PTPRD: variants seen among roughly 807,000 people sequenced by gnomAD.
PTPRD encodes the protein receptor-type tyrosine-protein phosphatase delta.
PTPRD carries 34 observed loss-of-function variants against 214.5 expected under a neutral mutation model. That is an observed-to-expected ratio of 0.16 (90% CI 0.12 to 0.21). PTPRD has a LOEUF of 0.21. Among genes scored for constraint, PTPRD ranks in the 10% least tolerant of loss-of-function variants. PTPRD has a pLI of 1.00. For missense variants in PTPRD, 2,545 were observed against 2,398.7 expected, an observed-to-expected ratio of 1.06 and a Z score of -1.27; for synonymous variants, 1,128 against 845.7, an observed-to-expected ratio of 1.33 and a Z score of -5.79.
rs190899424 is a variant in PTPRD at position 10,092,775 on chromosome 9, C to A, written c.-544-58985G>T. ...CACACATACAGACCAACAGAACAGA[C>A]TAGAGAGCCCAGCAATAAAGTCACA... On this transcript the variant is annotated intron_variant, in intron 3 of 45. Transcript: ENST00000381196. 2.0e-5 allele frequency among the ~76,000 whole-genome samples: 3 copies of A among 151,320 alleles called. No individual in the cohort carries two copies. In the Admixed American group the frequency reaches 2.0e-4, roughly 10 times the overall value.
chr9:8,454,875 C>G (rs999281708), intron 33 of PTPRD, among the ~76,000 whole-genome samples: 4 of 150,950 alleles, frequency 2.6e-5, no homozygotes, highest in African/African-American at 9.8e-5. Flanking sequence ...TTATCCATCA[C>G]CTATAAAATA....
At chr9:8,988,208 G>C (rs2099353135) in intron 11 of PTPRD, among the ~76,000 whole-genome samples, 1 of 152,072 alleles carries the variant, frequency 6.6e-6, no homozygotes, top group South Asian at 2.1e-4. Context: ...ACTGAAGAAA[G>C]TGTGACTATT....
intron 9 of PTPRD, among the ~76,000 whole-genome samples, chr9:9,317,594 A>C (rs1963968186): frequency 6.6e-6 from 1 of 151,486 alleles, no homozygotes; most frequent in Non-Finnish European, 1.5e-5. Context: ...TGGTCTTCCT[A>C]CTCCCAGTCC....
chr9:9,569,493 A>T (rs1251531849), intron 8 of PTPRD, among the ~76,000 whole-genome samples: 1 of 151,862 alleles, frequency 6.6e-6, no homozygotes, highest in East Asian at 1.9e-4. Context: ...TTTTATTGCT[A>T]CCAGAATTAA....
intron 2 of PTPRD, among the ~76,000 whole-genome samples, chr9:10,393,443 A>T (rs894269251): frequency 6.6e-6 from 1 of 151,600 alleles, no homozygotes; most frequent in African/African-American, 2.4e-5. Context: ...TTGTTACATT[A>T]GTTTCCCTTT....
At chr9:9,087,454 A>G (rs2099768776) in intron 10 of PTPRD, among the ~76,000 whole-genome samples, 1 of 152,222 alleles carries the variant, frequency 6.6e-6, no homozygotes, top group Non-Finnish European at 1.5e-5. Flanking sequence ...GTACTCCTGC[A>G]TACTGAAGAG....
intron 5 of PTPRD, among the ~76,000 whole-genome samples, chr9:9,789,143 A>G (rs1382616418): frequency 6.6e-6 from 1 of 152,186 alleles, no homozygotes. Context: ...GTCTACTTTG[A>G]GTTGATATTT....
intron 5 of PTPRD, among the ~76,000 whole-genome samples, chr9:9,883,967 C>G (rs2069794464): frequency 6.6e-6 from 1 of 151,960 alleles, no homozygotes; most frequent in African/African-American, 2.4e-5. Context: ...ACATTTCTTC[C>G]TTTTTTTTAA....
At chr9:10,339,981 C>G (rs1053024135) in intron 3 of PTPRD, among the ~76,000 whole-genome samples, 16 of 151,754 alleles carry the variant, frequency 1.1e-4, no homozygotes, top group Non-Finnish European at 7.4e-5. Context: ...GCCATATTGA[C>G]AATATATCCC....
intron 12 of PTPRD, among the ~76,000 whole-genome samples, chr9:8,643,597 T>C (rs1352287740): frequency 6.6e-6 from 1 of 152,200 alleles, no homozygotes; most frequent in Non-Finnish European, 1.5e-5. Context: ...CCACCACCAC[T>C]GCTGCCTCTG....
intron 11 of PTPRD, among the ~76,000 whole-genome samples, chr9:8,944,846 G>A (rs1229139536): frequency 2.6e-5 from 4 of 151,950 alleles, no homozygotes; most frequent in Non-Finnish European, 5.9e-5. Context: ...ACACCAGAAT[G>A]ACTACAGTCA....
intron 3 of PTPRD, among the ~76,000 whole-genome samples, chr9:10,110,122 C>T (rs2098677184): frequency 6.6e-6 from 1 of 152,020 alleles, no homozygotes; most frequent in Admixed American, 6.6e-5. Flanking sequence ...GGCAGAACAC[C>T]CTGACACAAA....
intron 3 of PTPRD, among the ~76,000 whole-genome samples, chr9:10,230,436 G>GTATC (rs59835845): frequency 0.27 from 38,021 of 140,264 alleles, 5,334 homozygotes; most frequent in Admixed American, 0.36. Context: ...ATGTATCTAT[G>GTATC]TATCTATCTA....
chr9:10,106,516 G>C (rs2098634443), intron 3 of PTPRD, among the ~76,000 whole-genome samples: 1 of 151,088 alleles, frequency 6.6e-6, no homozygotes. Flanking sequence ...AGCTGTGAAA[G>C]TGACGGACAC....
intron 30 of PTPRD, among the ~76,000 whole-genome samples, chr9:8,474,163 A>G (rs1475837977): frequency 1.3e-5 from 2 of 151,428 alleles, no homozygotes; most frequent in African/African-American, 4.9e-5. Context: ...TCCTGCAGGT[A>G]TTTTTCTTCC....
At chr9:8,318,894 A>G (rs753784901) in intron 45 of PTPRD, among the ~76,000 whole-genome samples, 1 of 152,130 alleles carries the variant, frequency 6.6e-6, no homozygotes, top group Non-Finnish European at 1.5e-5. Context: ...TCAGTGGCCA[A>G]TCGGGCTGAA....
chr9:8,534,198 C>T (rs1182255425), intron 14 of PTPRD, among the ~76,000 whole-genome samples: 2 of 151,854 alleles, frequency 1.3e-5, no homozygotes, highest in African/African-American at 4.8e-5. Flanking sequence ...GGAGGCTTTC[C>T]CTCATATATT....
chr9:10,489,311 G>T (rs1438406520), intron 2 of PTPRD, among the ~76,000 whole-genome samples: 2 of 152,126 alleles, frequency 1.3e-5, no homozygotes, highest in Non-Finnish European at 2.9e-5. Flanking sequence ...TTATCCTACT[G>T]CGGCTGAGCT....
intron 14 of PTPRD, among the ~76,000 whole-genome samples, chr9:8,530,623 A>G (rs2075434901): frequency 6.6e-6 from 1 of 152,178 alleles, no homozygotes; most frequent in Non-Finnish European, 1.5e-5. Context: ...CCAGATTTTA[A>G]GAGAAACTCC....
Sources: gnomAD v4.1 joint callset for allele counts (sites outside exome capture counted in the v4.1 genomes callset) on GRCh38, gnomAD v4.1.1 for gene constraint, MANE v1.5 for transcripts, NCBI Gene and HGNC (gene_info 2026-07-23, HGNC 2026-07-21) for gene names.